EYS: variants seen among roughly 807,000 people sequenced by gnomAD.
The protein encoded by EYS is protein eyes shut homolog.
Under a neutral mutation model 282.1 loss-of-function variants are expected in EYS, and 250 were observed. The ratio of observed to expected loss-of-function variants is 0.89; its 90% confidence interval spans 0.80 to 0.98. The LOEUF (loss-of-function observed/expected upper bound fraction) is 0.98. Among genes scored for constraint, EYS ranks in the 50% least tolerant of loss-of-function variants. The pLI, the probability that EYS is intolerant of heterozygous loss-of-function variation, is 0.00. For missense variants in EYS, 4,016 were observed against 3,709.0 expected (o/e 1.08, Z -2.15); for synonymous variants, 1,355 against 1,282.9 (o/e 1.06, Z -1.20).
chr6:64,752,773 C>A (rs1213429437), intron 22 of EYS, among the ~76,000 whole-genome samples: 1 of 152,024 alleles, frequency 6.6e-6, no homozygotes, highest in East Asian at 1.9e-4. Context: ...GTTTAATCAC[C>A]TCTAAAGGAC....
chr6:65,609,046 T>C (rs895142901), intron 2 of EYS, among the ~76,000 whole-genome samples: 1 of 152,116 alleles, frequency 6.6e-6, no homozygotes, highest in African/African-American at 2.4e-5. Flanking sequence ...ATTAAAAACA[T>C]AGTATAGTAA....
intron 5 of EYS, among the ~76,000 whole-genome samples, chr6:65,441,045 G>A (rs1342526153): frequency 6.7e-6 from 1 of 149,186 alleles, no homozygotes; most frequent in African/African-American, 2.5e-5. Context: ...ATATGCTTCA[G>A]AAAAATAATA....
chr6:64,754,965 TAA>T (rs1772886141), intron 22 of EYS, among the ~76,000 whole-genome samples: 1 of 151,988 alleles, frequency 6.6e-6, no homozygotes, highest in Admixed American at 6.6e-5. Flanking sequence ...GAGAAAGAAA[TAA>T]AAGATATCCA....
At chr6:63,955,493 C>T (rs146169718) in intron 35 of EYS, among the ~76,000 whole-genome samples, 1,781 of 152,132 alleles carry the variant, frequency 0.012, 19 homozygotes, top group Middle Eastern at 0.02. Context: ...CTTATGCCAC[C>T]CTCTACCTCT....
At chr6:65,432,730 T>C (rs1334917785) in intron 5 of EYS, among the ~76,000 whole-genome samples, 1 of 152,184 alleles carries the variant, frequency 6.6e-6, no homozygotes, top group Non-Finnish European at 1.5e-5. Flanking sequence ...TGACATGCTC[T>C]GACCCACATT....
chr6:65,046,047 C>A (rs1583431141), intron 13 of EYS, among the ~76,000 whole-genome samples: 2 of 151,762 alleles, frequency 1.3e-5, no homozygotes, highest in East Asian at 3.9e-4. Context: ...TTTTCTATAT[C>A]AATAAAACTT....
chr6:64,074,276 TAG>T (rs796230249), intron 32 of EYS, among the ~76,000 whole-genome samples: 22 of 151,550 alleles, frequency 1.5e-4, no homozygotes, highest in African/African-American at 4.8e-4. Context: ...TCATAGTTTT[TAG>T]AGAGATAATT....
intron 31 of EYS, among the ~76,000 whole-genome samples, chr6:64,191,483 C>CA (rs1021767155): frequency 2.1e-5 from 3 of 146,064 alleles, no homozygotes; most frequent in African/African-American, 2.4e-5. Flanking sequence ...CCCTTCCCCC[C>CA]CCACCCCAAA....
chr6:65,401,523 GAATTAATAT>G (rs1766496829), intron 7 of EYS, among the ~76,000 whole-genome samples: 1 of 151,348 alleles, frequency 6.6e-6, no homozygotes, highest in Non-Finnish European at 1.5e-5. Flanking sequence ...GTTTATTGAT[GAATTAATAT>G]ACAATTGAAG....
At chr6:65,511,709 T>G (rs1311129359) in intron 2 of EYS, among the ~76,000 whole-genome samples, 2 of 152,058 alleles carry the variant, frequency 1.3e-5, no homozygotes, top group Non-Finnish European at 2.9e-5. Flanking sequence ...TCTCAGCATT[T>G]TGGTAGACTG....
At chr6:64,394,135 C>A (rs1257687698) in intron 28 of EYS, among the ~76,000 whole-genome samples, 3 of 152,026 alleles carry the variant, frequency 2.0e-5, no homozygotes, top group Non-Finnish European at 4.4e-5. Flanking sequence ...TAAAAGAGGA[C>A]AGAAACAAAT....
chr6:63,880,440 A>T (rs551697264), intron 35 of EYS, among the ~76,000 whole-genome samples: 13 of 151,370 alleles, frequency 8.6e-5, no homozygotes, highest in Non-Finnish European at 1.6e-4. Context: ...AAACTTAACA[A>T]ACTTCCCATT....
intron 18 of EYS, among the ~76,000 whole-genome samples, chr6:64,891,000 A>G (rs1311455930): frequency 1.3e-5 from 2 of 152,104 alleles, no homozygotes; most frequent in African/African-American, 4.8e-5. Flanking sequence ...TTACTTTTAC[A>G]TAAATTCCAA....
At chr6:65,313,130 C>A (rs1038842101) in intron 11 of EYS, among the ~76,000 whole-genome samples, 4 of 152,110 alleles carry the variant, frequency 2.6e-5, no homozygotes, top group African/African-American at 9.7e-5. Context: ...GGCCTATTCC[C>A]TGGGGGATAT....
At chr6:64,072,261 A>G (rs1030444438) in intron 32 of EYS, among the ~76,000 whole-genome samples, 1 of 151,900 alleles carries the variant, frequency 6.6e-6, no homozygotes, top group Non-Finnish European at 1.5e-5. Context: ...CACTTAACCC[A>G]TCTGGGTTTA....
At chr6:65,051,960 G>T (rs1773282379) in intron 13 of EYS, among the ~76,000 whole-genome samples, 1 of 151,396 alleles carries the variant, frequency 6.6e-6, no homozygotes, top group African/African-American at 2.4e-5. Context: ...AATGCACTTT[G>T]CTTCTTTAAA....
chr6:65,155,032 A>C (rs1258354680), intron 12 of EYS, among the ~76,000 whole-genome samples: 1 of 151,604 alleles, frequency 6.6e-6, no homozygotes, highest in East Asian at 2.0e-4. Context: ...AAATGTGGAC[A>C]ATGGAACACA....
chr6:63,790,671 A>G (rs941334869), intron 37 of EYS, among the ~76,000 whole-genome samples: 6 of 152,212 alleles, frequency 3.9e-5, no homozygotes, highest in African/African-American at 1.2e-4. Flanking sequence ...GGCAGTTAGA[A>G]AGGCAGAAAG....
intron 36 of EYS, among the ~76,000 whole-genome samples, chr6:63,853,361 C>T (rs1772308836): frequency 6.6e-6 from 1 of 152,140 alleles, no homozygotes; most frequent in Non-Finnish European, 1.5e-5. Context: ...AGAGCCAAAT[C>T]ATGAGTGAAT....
Sources: allele counts gnomAD v4.1 joint callset (sites outside exome capture counted in the v4.1 genomes callset), GRCh38; gene constraint gnomAD v4.1.1; transcripts MANE v1.5; gene names NCBI Gene and HGNC (gene_info 2026-07-23, HGNC 2026-07-21).